Variants in CYLC2 observed in about 807,000 individuals in gnomAD.
The protein encoded by CYLC2 is cylicin 2.
In CYLC2, 30 loss-of-function variants were observed where a neutral mutation model predicts 26.1. The ratio of observed to expected loss-of-function variants is 1.15; its 90% CI spans 0.86 to 1.56. CYLC2 has a LOEUF of 1.56. Among genes scored for constraint, CYLC2 ranks in the 40% most tolerant of loss-of-function variants. CYLC2 has a pLI of 0.00. For synonymous variants in CYLC2, 158 were observed against 132.8 expected (o/e 1.19, Z -1.31); for missense variants, 498 against 394.4 (o/e 1.26, Z -2.23).
rs1222728679 is a variant in CYLC2 at position 103,013,687 on chromosome 9, T to C, written c.*816+1590T>C. Reference sequence around the variant, plus strand: ...TATATTAAATAATATATATGATATATAATATATCCTGTACATTATATATTA... The same window carrying C: ...TATATTAAATAATATATATGATATACAATATATCCTGTACATTATATATTA... On this transcript the variant is annotated intron_variant, in intron 6 of 7. Coordinates refer to ENST00000374798, the MANE Select transcript of CYLC2 (RefSeq NM_001340.5). Among the ~76,000 whole-genome samples, 17 of 112,534 alleles carry C rather than the reference T, an allele frequency of 1.5e-4. 1 individual carries two copies. The highest frequency in any genetic ancestry group is 2.8e-4 in the South Asian group (1 of 3,570). 73.8% of individuals were successfully genotyped at this position (112,534 alleles called of 152,430 possible).
At chr9:103,003,793 C>A (rs1829312615) in intron 3 of CYLC2, among the ~76,000 whole-genome samples, 3 of 152,008 alleles carry the variant, frequency 2.0e-5, no homozygotes, top group Admixed American at 2.0e-4. Context: ...CTGGAGAAAT[C>A]CCTCATTTGA....
chr9:103,007,094 A>T (rs1057379606), intron 5 of CYLC2, among the ~76,000 whole-genome samples: 2 of 152,128 alleles, frequency 1.3e-5, no homozygotes, highest in Non-Finnish European at 2.9e-5. Flanking sequence ...GTTCAAATTG[A>T]CACTGTTCTT....
rs149456964 is a variant in CYLC2 at position 102,995,395 on chromosome 9, A to T, written c.15A>T (p.Arg5Ser). ...AAGTGGGGAAAATGTCTCTCCCAAG[A>T]TTGTAAGTCAAATTTTATGTTTTAA... MSLP[R>S]FQRVNFGPYD... Residue 5 changes from arginine to serine, a missense_variant and splice_region_variant, in exon 1 of 8, where the codon AGA (arginine) becomes AGT (serine). Physicochemically the swap from Arg to Ser is moderately radical, Grantham distance 110 (BLOSUM62 -1). Coordinates refer to ENST00000374798, the MANE Select transcript of CYLC2 (RefSeq NM_001340.5). 2 of 1,603,426 alleles carry T rather than the reference A, an allele frequency of 1.2e-6. No homozygotes were observed. Among genetic ancestry groups the T allele is most frequent in the Non-Finnish European group, 1.7e-6 (2 of 1,171,138 alleles).
At chr9:103,004,634 A>G in intron 3 of CYLC2, 61 bp from the exon 4 acceptor site, 2 of 1,173,846 alleles carry the variant, frequency 1.7e-6, no homozygotes, top group Non-Finnish European at 2.4e-6. Context: ...TTTGGGATAT[A>G]TTAATACAAA....
intron 1 of CYLC2, among the ~76,000 whole-genome samples, chr9:103,000,439 CATT>C (rs1221038064): frequency 1.3e-5 from 2 of 151,960 alleles, no homozygotes; most frequent in Non-Finnish European, 1.5e-5. Context: ...AGTTCATAAT[CATT>C]GTTGGGTATC....
At chr9:103,008,388 A>G (rs1441017591) in intron 5 of CYLC2, among the ~76,000 whole-genome samples, 1 of 152,142 alleles carries the variant, frequency 6.6e-6, no homozygotes, top group East Asian at 1.9e-4. Context: ...ATAAAAATGA[A>G]AAAAATGGCT....
At chr9:103,006,854 T>C (rs1341003933) in intron 5 of CYLC2, among the ~76,000 whole-genome samples, 1 of 152,122 alleles carries the variant, frequency 6.6e-6, no homozygotes, top group African/African-American at 2.4e-5. Flanking sequence ...TATAGCATGG[T>C]GACTATAGTT....
intron 1 of CYLC2, among the ~76,000 whole-genome samples, chr9:102,995,947 G>T (rs901671740): frequency 6.6e-6 from 1 of 151,816 alleles, no homozygotes; most frequent in Non-Finnish European, 1.5e-5. Flanking sequence ...GACATGAGAA[G>T]TTATATGACA....
intron 3 of CYLC2, among the ~76,000 whole-genome samples, chr9:103,004,294 C>T (rs953674136): frequency 3.7e-4 from 57 of 152,032 alleles, no homozygotes; most frequent in African/African-American, 1.3e-3. Flanking sequence ...TAAGATATGC[C>T]TCAATCTGAA....
chr9:103,010,883 T>A (rs1829400128), intron 5 of CYLC2: 1 of 151,950 alleles, frequency 6.6e-6, no homozygotes, highest in Admixed American at 6.6e-5. Flanking sequence ...ATATGGAAAT[T>A]AAAAATATGC....
At position 103,003,251 on chromosome 9, in the gene CYLC2, C is replaced by A. The variant is rs1416768305; in HGVS notation, c.168C>A (p.Asp56Glu). 9.3e-6 allele frequency: 15 copies of A among 1,613,190 alleles called. No homozygotes were observed. Among genetic ancestry groups the A allele is most frequent in the Middle Eastern group, 1.7e-4 (1 of 6,054 alleles). ...GATCAAAACCTTCTCAAATACGGGACAACACGGTTTCTGTAAGCATTGGAA... is the reference window on the plus strand; with the variant it reads ...GATCAAAACCTTCTCAAATACGGGAAAACACGGTTTCTGTAAGCATTGGAA... Reference protein sequence around the residue: ...KRRSKPSQIRDNTVSIIDEEQ... With the variant: ...KRRSKPSQIRENTVSIIDEEQ... The change falls in exon 3 of 8, where the codon GAC (aspartate) becomes GAA (glutamate). Residue 56 changes from aspartate to glutamate, a missense_variant. Physicochemically the swap from Asp to Glu is conservative, Grantham distance 45. Transcript: ENST00000374798.
intron 1 of CYLC2, among the ~76,000 whole-genome samples, chr9:103,001,100 T>C (rs1411170150): frequency 1.3e-5 from 2 of 151,918 alleles, no homozygotes; most frequent in East Asian, 3.9e-4. Context: ...ATAATTTGGA[T>C]TTGGTGGAGT....
At chr9:103,015,120 TATCACGTGATATACATA>T (rs1829483526) in intron 6 of CYLC2, among the ~76,000 whole-genome samples, 2 of 22,952 alleles carry the variant, frequency 8.7e-5, no homozygotes, top group African/African-American at 2.9e-4. Flanking sequence ...ATAACATGTA[TATCACGTGATATACATA>T]ACATGTATAT....
At chr9:102,996,626 G>A (rs1236040753) in intron 1 of CYLC2, among the ~76,000 whole-genome samples, 3 of 151,826 alleles carry the variant, frequency 2.0e-5, no homozygotes, top group East Asian at 3.9e-4. Flanking sequence ...CATTGAACAC[G>A]CAAAATTTAA....
intron 6 of CYLC2, among the ~76,000 whole-genome samples, chr9:103,014,910 A>ATATACATAATATGTATATTATGTAG (rs1564101476): frequency 1.4e-5 from 2 of 139,446 alleles, no homozygotes; most frequent in Non-Finnish European, 3.1e-5. Flanking sequence ...AATATATGTA[A>ATATACATAATATGTATATTATGTAG]TATACATAAT....
At chr9:103,003,330 A>G in intron 3 of CYLC2, 67 bp downstream of exon 3, 2 of 1,286,780 alleles carry the variant, frequency 1.6e-6, no homozygotes, top group Non-Finnish European at 2.2e-6. Flanking sequence ...TATAACCATA[A>G]TAAGTAATTA....
At position 103,003,054 on chromosome 9, in the gene CYLC2, T is replaced by C. The variant is rs533394027; in HGVS notation, c.59-88T>C. 149 of 1,427,084 alleles carry C rather than the reference T, an allele frequency of 1.0e-4. 1 individual carries two copies. In the Admixed American group the frequency reaches 1.2e-3, roughly 11 times the overall value. 88.4% of individuals were successfully genotyped at this position (1,427,084 alleles called of 1,614,324 possible). A position where few individuals can be genotyped will look rare whatever the true frequency, so the allele number is the denominator to read the frequency against. The stretch of plus-strand genomic sequence containing the variant: ...AATTTGAATCACTTGTTTATTCATT[T>C]ACATGATATACGTTGCACGTAATGC... On this transcript the variant is annotated intron_variant, in intron 2 of 7. Coordinates refer to ENST00000374798, the MANE Select transcript of CYLC2 (RefSeq NM_001340.5).
At chr9:103,006,404 T>TATTTATTTATTTATTTATTTATTG (rs1829351088) in intron 5 of CYLC2, 26 bp downstream of exon 5, 2 of 56,472 alleles carry the variant, frequency 3.5e-5, no homozygotes, top group East Asian at 1.9e-3. Context: ...TTTGTTTACT[T>TATTTATTTATTTATTTATTTATTG]ATTTATTTAT....
chr9:103,014,322 T>A (rs1829461780), intron 6 of CYLC2, among the ~76,000 whole-genome samples: 1 of 135,458 alleles, frequency 7.4e-6, no homozygotes, highest in African/African-American at 2.7e-5. Flanking sequence ...TTGTATATAT[T>A]ACATAATGTA....
Sources: gnomAD v4.1 joint callset for allele counts (sites outside exome capture counted in the v4.1 genomes callset) on GRCh38, gnomAD v4.1.1 for gene constraint, MANE v1.5 for transcripts, NCBI Gene and HGNC (gene_info 2026-07-23, HGNC 2026-07-21) for gene names.